Variants in NAALADL2 observed in about 807,000 individuals in gnomAD.
NAALADL2 encodes the protein inactive N-acetylated-alpha-linked acidic dipeptidase-like protein 2.
NAALADL2 carries 76 observed loss-of-function variants against 87.2 expected under a neutral mutation model. That is an observed-to-expected ratio of 0.87 (90% confidence interval 0.72 to 1.05). The LOEUF is 1.05. NAALADL2 is among the 50% of genes least tolerant of loss of function. The probability of loss-of-function intolerance (pLI) is 0.00; values close to 1 mark genes in which losing one functional copy is unlikely to be tolerated. For synonymous variants in NAALADL2, 354 were observed against 331.0 expected, an observed-to-expected ratio of 1.07 and a Z score of -0.75; for missense variants, 1,089 against 945.8, an observed-to-expected ratio of 1.15 and a Z score of -1.99.
At chr3:175,787,801 G>A (rs539909049) in intron 13 of NAALADL2, among the ~76,000 whole-genome samples, 2 of 152,256 alleles carry the variant, frequency 1.3e-5, no homozygotes, top group African/African-American at 4.8e-5. Context: ...AGTAAAATAT[G>A]TGTTTTAAGC....
At chr3:175,109,316 CTT>C (rs909035759) in intron 2 of NAALADL2, among the ~76,000 whole-genome samples, 1 of 151,790 alleles carries the variant, frequency 6.6e-6, no homozygotes, top group Admixed American at 6.6e-5. Flanking sequence ...TTAAAGGTCT[CTT>C]TTAATGCAAG....
chr3:174,680,670 A>G (rs559104189), intron 2 of NAALADL2, among the ~76,000 whole-genome samples: 2 of 152,272 alleles, frequency 1.3e-5, no homozygotes, highest in East Asian at 3.9e-4. Flanking sequence ...CCAAACTACG[A>G]CAGTCTTTGC....
At chr3:175,338,738 A>G (rs1467792567) in intron 5 of NAALADL2, among the ~76,000 whole-genome samples, 5 of 151,832 alleles carry the variant, frequency 3.3e-5, no homozygotes, top group African/African-American at 1.2e-4. Context: ...ACCACCCACT[A>G]AAGTGTGAGC....
chr3:174,760,244 A>T (rs1340616269), intron 3 of NAALADL2, among the ~76,000 whole-genome samples: 1 of 152,216 alleles, frequency 6.6e-6, no homozygotes, highest in Non-Finnish European at 1.5e-5. Flanking sequence ...GGTGAAGACC[A>T]TTCATGGCAC....
intron 5 of NAALADL2, among the ~76,000 whole-genome samples, chr3:175,327,656 A>G (rs1760902910): frequency 6.6e-6 from 1 of 152,172 alleles, no homozygotes; most frequent in Non-Finnish European, 1.5e-5. Context: ...TAGAGAAGTA[A>G]CAAGACAAAA....
chr3:174,715,449 G>C (rs1172392474), intron 2 of NAALADL2, among the ~76,000 whole-genome samples: 1 of 152,098 alleles, frequency 6.6e-6, no homozygotes, highest in African/African-American at 2.4e-5. Context: ...AGATAATACT[G>C]GTGGTAGACT....
chr3:175,364,639 C>G (rs1412391343), intron 5 of NAALADL2, among the ~76,000 whole-genome samples: 1 of 147,724 alleles, frequency 6.8e-6, no homozygotes, highest in Non-Finnish European at 1.5e-5. Flanking sequence ...CAAAACACAT[C>G]TACTCCCACC....
At chr3:175,362,979 A>G (rs1202923517) in intron 5 of NAALADL2, among the ~76,000 whole-genome samples, 2 of 147,280 alleles carry the variant, frequency 1.4e-5, no homozygotes, top group Admixed American at 7.0e-5. Context: ...TGAGTATTTG[A>G]CTACCTGTAT....
intron 1 of NAALADL2, among the ~76,000 whole-genome samples, chr3:175,013,955 G>A (rs1192298897): frequency 6.6e-6 from 1 of 152,096 alleles, no homozygotes; most frequent in Non-Finnish European, 1.5e-5. Flanking sequence ...TGCATGCATT[G>A]CATCAGTCAT....
At chr3:175,522,970 T>G (rs1052028453) in intron 9 of NAALADL2, among the ~76,000 whole-genome samples, 24 of 152,204 alleles carry the variant, frequency 1.6e-4, no homozygotes, top group African/African-American at 4.8e-4. Flanking sequence ...TAAGCTACCA[T>G]TCCTTTAAAC....
chr3:175,507,639 GT>G (rs2149385630), intron 9 of NAALADL2, among the ~76,000 whole-genome samples: 1 of 152,202 alleles, frequency 6.6e-6, no homozygotes. Context: ...GGCCAGGCTG[GT>G]CTTGAACTCC....
At position 175,162,459 on chromosome 3, in the gene NAALADL2, G is replaced by C. The variant is rs182908980; in HGVS notation, c.545+65168G>C. ...AGAGGCAGTGTTGTGGAATAGAGATGGAGGTATCATTTGCCATGTTTATGA... is the reference window on the plus strand; with the variant it reads ...AGAGGCAGTGTTGTGGAATAGAGATCGAGGTATCATTTGCCATGTTTATGA... On this transcript the variant is annotated intron_variant, in intron 2 of 13. Coordinates refer to ENST00000454872, the MANE Select transcript of NAALADL2 (RefSeq NM_207015.3). Among the ~76,000 whole-genome samples, 405 of 152,244 alleles carry C rather than the reference G, an allele frequency of 2.7e-3. 3 individuals carry two copies. Among genetic ancestry groups the C allele is most frequent in the African/African-American group, 9.3e-3 (385 of 41,554 alleles).
chr3:174,951,496 T>A (rs1171368570), intron 1 of NAALADL2, among the ~76,000 whole-genome samples: 4 of 152,136 alleles, frequency 2.6e-5, no homozygotes, highest in African/African-American at 7.2e-5. Context: ...GGGTATTTTA[T>A]GCTGATCCTA....
At chr3:174,479,064 C>T (rs1048049238) in intron 1 of NAALADL2, among the ~76,000 whole-genome samples, 2 of 152,152 alleles carry the variant, frequency 1.3e-5, no homozygotes, top group African/African-American at 4.8e-5. Context: ...GCCTTACATA[C>T]TCTCTACACT....
intron 5 of NAALADL2, among the ~76,000 whole-genome samples, chr3:175,352,615 A>G (rs1763894154): frequency 6.6e-6 from 1 of 152,212 alleles, no homozygotes; most frequent in African/African-American, 2.4e-5. Context: ...CAAGAGAAGG[A>G]AATACTCAGA....
intron 2 of NAALADL2, among the ~76,000 whole-genome samples, chr3:175,214,249 A>T (rs1481122598): frequency 6.6e-6 from 1 of 151,856 alleles, no homozygotes; most frequent in African/African-American, 2.4e-5. Context: ...GAAAGTAATA[A>T]AAAAAAATTG....
intron 3 of NAALADL2, among the ~76,000 whole-genome samples, chr3:174,809,220 G>A (rs891988202): frequency 3.9e-5 from 6 of 152,120 alleles, no homozygotes; most frequent in African/African-American, 1.2e-4. Flanking sequence ...TATAGAAACA[G>A]TACTGGGGAT....
At chr3:175,147,546 G>C (rs1176635966) in intron 2 of NAALADL2, among the ~76,000 whole-genome samples, 1 of 151,438 alleles carries the variant, frequency 6.6e-6, no homozygotes, top group Non-Finnish European at 1.5e-5. Flanking sequence ...GTGCTGCAAT[G>C]AACATGTGAG....
At position 174,786,550 on chromosome 3, in the gene NAALADL2, C is replaced by T. The variant is rs182569713; in HGVS notation, c.-9+48804C>T. Among the ~76,000 whole-genome samples the T allele has an allele frequency of 4.0e-4, 60 of 151,782 alleles. No individual in the cohort carries two copies. In the East Asian group the frequency reaches 0.011, roughly 28 times the overall value. On this transcript the variant is annotated intron_variant, in intron 3 of 3. Coordinates refer to the NAALADL2 transcript ENST00000434257. ...GGGTAGAGAGGATGATAGATCTGTTCTATATTTCTTTTCCAGACCCTCCAC... is the reference window on the plus strand; with the variant it reads ...GGGTAGAGAGGATGATAGATCTGTTTTATATTTCTTTTCCAGACCCTCCAC...
Sources: allele counts gnomAD v4.1 joint callset (sites outside exome capture counted in the v4.1 genomes callset), GRCh38; gene constraint gnomAD v4.1.1; transcripts MANE v1.5; gene names NCBI Gene and HGNC (gene_info 2026-07-23, HGNC 2026-07-21).